LATS1: variants seen among roughly 807,000 people sequenced by gnomAD.
LATS1 encodes the protein serine/threonine-protein kinase LATS1.
Under a neutral mutation model 106.6 loss-of-function variants are expected in LATS1, and 25 were observed. The observed-to-expected ratio is 0.23, with a 90% CI of 0.17 to 0.33. The LOEUF (loss-of-function observed/expected upper bound fraction) is 0.33. LATS1 is among the 10% of genes least tolerant of loss of function. LATS1 has a pLI of 1.00. For missense variants in LATS1, 1,040 were observed against 1,382.6 expected (o/e 0.75, Z 3.93); for synonymous variants, 465 against 455.6 (o/e 1.02, Z -0.26).
At position 149,684,264 on chromosome 6, in the gene LATS1, CTTTG is replaced by C; in HGVS notation, c.821_824del (p.Thr274SerfsTer10). 1 of 1,613,820 alleles carries C rather than the reference CTTTG, an allele frequency of 6.2e-7. No individual in the cohort carries two copies. The highest frequency in any genetic ancestry group is 8.5e-7 in the Non-Finnish European group (1 of 1,179,974). On this transcript the variant is annotated frameshift_variant, in exon 4 of 8. Transcript: ENST00000543571. LOFTEE classifies it high-confidence loss of function. ...CGTATTCCATGTTTCCAGAATAGCG[CTTTG>C]TTTGAGAGTTTGGTTCCCATGAAGG...
At position 149,680,381 on chromosome 6, in the gene LATS1, T is replaced by C. The variant is rs1224408532; in HGVS notation, c.2087A>G (p.Lys696Arg). ...CQKESNYIRL[K>R]RAKMDKSMFV... The stretch of plus-strand genomic sequence containing the variant: ...CATAGACTTGTCCATTTTAGCCCTT[T>C]TAAGACGGATGTAATTAGATTCTTT... Residue 696 changes from lysine (K) to arginine (R), a missense_variant, in exon 5 of 8, where the codon AAA becomes AGA. This residue lies in a region of LATS1 where 167 missense variants were observed against 332.1 expected (regional missense o/e 0.50). Transcript: ENST00000543571. 1.9e-6 allele frequency: 3 copies of C among 1,613,944 alleles called. No homozygotes were observed. The East Asian group carries it at 6.7e-5, about 36-fold the overall frequency.
chr6:149,676,129 G>C, intron 7 of LATS1, 131 bp downstream of exon 7: 1 of 648,470 alleles, frequency 1.5e-6, no homozygotes, highest in Non-Finnish European at 2.8e-6. Context: ...TGGCATTATG[G>C]GTGTGAGCCA....
rs1031313895 is a variant in LATS1 at position 149,660,178 on chromosome 6, G to A, written c.*1551C>T. ...TATGTGTGGTTTTTTTTTCTAGGAA[G>A]AGTCCACAGCTTCCTTCAGATTCTC... On this transcript the variant is annotated 3_prime_UTR_variant, in exon 8 of 8. Coordinates refer to ENST00000543571, the MANE Select transcript of LATS1 (RefSeq NM_004690.4). The A allele has an allele frequency of 3.0e-5, 7 of 232,376 alleles. No homozygotes were observed. The highest frequency in any genetic ancestry group is 1.5e-4 in the African/African-American group (7 of 45,256). 14.4% of individuals were successfully genotyped at this position (232,376 alleles called of 1,614,324 possible).
chr6:149,709,073 C>T (rs1457280763), intron 1 of LATS1, among the ~76,000 whole-genome samples: 2 of 152,062 alleles, frequency 1.3e-5, no homozygotes, highest in Non-Finnish European at 1.5e-5. Flanking sequence ...CTGATGTAAA[C>T]CAAAAATAAA....
chr6:149,675,110 G>A (rs767919138), intron 7 of LATS1, among the ~76,000 whole-genome samples: 1 of 151,414 alleles, frequency 6.6e-6, no homozygotes, highest in Non-Finnish European at 1.5e-5. Flanking sequence ...CCAGCTACTC[G>A]GGAGGCTGAG....
intron 1 of LATS1, among the ~76,000 whole-genome samples, chr6:149,709,807 C>A (rs1444017038): frequency 6.6e-6 from 1 of 151,136 alleles, no homozygotes; most frequent in Non-Finnish European, 1.5e-5. Context: ...TCCTGAGTAG[C>A]TGGGATTACA....
At chr6:149,700,233 T>G (rs1408322953) in intron 2 of LATS1, among the ~76,000 whole-genome samples, 1 of 152,242 alleles carries the variant, frequency 6.6e-6, no homozygotes. Flanking sequence ...CCCAGCACTT[T>G]GGGAGGCCAA....
intron 4 of LATS1, among the ~76,000 whole-genome samples, chr6:149,681,984 C>T (rs1248106789): frequency 1.3e-5 from 2 of 151,948 alleles, no homozygotes; most frequent in East Asian, 1.9e-4. Context: ...TGCTGACGGG[C>T]GCTTGTAGTC....
intron 2 of LATS1, among the ~76,000 whole-genome samples, chr6:149,699,670 ATTG>A (rs1353843644): frequency 2.0e-5 from 3 of 152,310 alleles, no homozygotes; most frequent in South Asian, 4.1e-4. Context: ...CAAACCAATT[ATTG>A]TTATTATTAC....
chr6:149,712,394 C>T (rs1784156115), intron 1 of LATS1, among the ~76,000 whole-genome samples: 1 of 152,114 alleles, frequency 6.6e-6, no homozygotes, highest in Admixed American at 6.5e-5. Flanking sequence ...GACGGAGTTT[C>T]TCCATGTTGG....
chr6:149,703,423 C>T (rs1783578642), intron 1 of LATS1, among the ~76,000 whole-genome samples: 1 of 152,170 alleles, frequency 6.6e-6, no homozygotes, highest in Non-Finnish European at 1.5e-5. Context: ...ACTTTAGTCC[C>T]CACTCTTGAA....
chr6:149,717,472 T>G (rs757182384), intron 1 of LATS1: 1 of 152,770 alleles, frequency 6.5e-6, no homozygotes, highest in East Asian at 1.9e-4. Flanking sequence ...GAACTGTAGC[T>G]CTTTTACTGC....
intron 4 of LATS1, among the ~76,000 whole-genome samples, chr6:149,680,685 G>A (rs1781987635): frequency 6.6e-6 from 1 of 150,682 alleles, no homozygotes; most frequent in Admixed American, 6.6e-5. Flanking sequence ...ATTCAGCTGT[G>A]GAGTGCAAGA....
intron 1 of LATS1, among the ~76,000 whole-genome samples, chr6:149,712,088 T>C (rs1188552814): frequency 1.3e-5 from 2 of 152,178 alleles, no homozygotes; most frequent in Admixed American, 6.5e-5. Flanking sequence ...ATGTGGATAA[T>C]AGGACCCATG....
At chr6:149,688,455 C>T (rs1562338712) in intron 3 of LATS1, among the ~76,000 whole-genome samples, 2 of 151,810 alleles carry the variant, frequency 1.3e-5, no homozygotes, top group Non-Finnish European at 2.9e-5. Flanking sequence ...ATTACAGGCG[C>T]CCACCACCAC....
Position 149,665,034 on chromosome 6 carries a change from C to A in LATS1, c.2884-2796G>T, listed in dbSNP as rs539223829. 3.3e-5 allele frequency among the ~76,000 whole-genome samples: 5 copies of A among 152,258 alleles called. No homozygotes were observed. In the South Asian group the frequency reaches 1.0e-3, roughly 32 times the overall value. On this transcript the variant is annotated intron_variant, in intron 7 of 7. Coordinates refer to ENST00000543571, the MANE Select transcript of LATS1 (RefSeq NM_004690.4). Reference sequence around the variant, plus strand: ...GCCAGTATGCACCTAAAACTGACAGCCAAACCTTCCTCTCCAATTGTAAAT... The same window carrying A: ...GCCAGTATGCACCTAAAACTGACAGACAAACCTTCCTCTCCAATTGTAAAT...
rs1783669412 is a variant in LATS1 at position 149,704,887 on chromosome 6, T to TATACACACAC, written c.-140-2622_-140-2621insGTGTGTGTAT. ...AATTTATATTTATAGAAATTAATTATACACACACACACACACACACACACA... is the reference window on the plus strand; with the variant it reads ...AATTTATATTTATAGAAATTAATTATATACACACACACACACACACACACACACACACACA... On this transcript the variant is annotated intron_variant, in intron 1 of 7. Transcript: ENST00000543571. Among the ~76,000 whole-genome samples the TATACACACAC allele has an allele frequency of 3.6e-5, 5 of 139,798 alleles. No individual in the cohort carries two copies. In the South Asian group the frequency reaches 1.2e-3, roughly 33 times the overall value. The allele number at this position is 139,798 out of a possible 152,430, so 91.7% of individuals were successfully genotyped here. A position where few individuals can be genotyped will look rare whatever the true frequency, so the allele number is the denominator to read the frequency against.
chr6:149,697,077 G>C (rs1783136284), intron 2 of LATS1: 6 of 1,136,126 alleles, frequency 5.3e-6, no homozygotes, highest in Middle Eastern at 2.3e-4. Context: ...TTTCAAGAGG[G>C]AGGCAACTAC....
rs879487599 is a variant in LATS1, at chr6:149,689,167, CA to C, written c.497-4576del. On this transcript the variant is annotated intron_variant, in intron 3 of 7. Transcript: ENST00000543571. ...TGGGCGACAGAGCAAAACTTTGTCT[CA>C]AAAAAAAAAAAGACTGCATAAAGGT... Among the ~76,000 whole-genome samples the C allele has an allele frequency of 2.1e-3, 279 of 133,068 alleles. 2 individuals are homozygous for C. Among genetic ancestry groups the C allele is most frequent in the Admixed American group, 2.0e-3 (27 of 13,254 alleles). The allele number at this position is 133,068 out of a possible 152,430, so 87.3% of individuals were successfully genotyped here.
Sources: gnomAD v4.1 joint callset for allele counts (sites outside exome capture counted in the v4.1 genomes callset) on GRCh38, gnomAD v4.1.1 for gene constraint, gnomAD v4.1.1 regional missense constraint, MANE v1.5 for transcripts, NCBI Gene and HGNC (gene_info 2026-07-23, HGNC 2026-07-21) for gene names.